RNF130: variants seen among roughly 807,000 people sequenced by gnomAD.
RNF130 encodes ring finger protein 130.
RNF130 carries 21 observed loss-of-function variants against 44.6 expected under a neutral mutation model. The ratio of observed to expected loss-of-function variants is 0.47; its 90% confidence interval spans 0.33 to 0.68. RNF130 has a LOEUF of 0.68. RNF130 is among the 30% of genes least tolerant of loss of function. The pLI is 0.02. For missense variants in RNF130, 479 were observed against 560.6 expected (o/e 0.85, Z 1.47); for synonymous variants, 214 against 210.4 (o/e 1.02, Z -0.15).
At chr5:179,926,648 A>C (rs1430921346) in intron 7 of RNF130, among the ~76,000 whole-genome samples, 2 of 152,164 alleles carry the variant, frequency 1.3e-5, no homozygotes, top group Non-Finnish European at 2.9e-5. Flanking sequence ...ACTCCATCTC[A>C]AAAAAATAAA....
chr5:179,982,203 G>A (rs1336014717), intron 3 of RNF130, among the ~76,000 whole-genome samples: 1 of 151,328 alleles, frequency 6.6e-6, no homozygotes, highest in Non-Finnish European at 1.5e-5. Context: ...TTGAGATTAA[G>A]CCACCTTGGT....
downstream of RNF130, among the ~76,000 whole-genome samples, chr5:179,951,765 A>C (rs1213814351): frequency 6.6e-6 from 1 of 152,204 alleles, no homozygotes; most frequent in African/African-American, 2.4e-5. Flanking sequence ...CTACAACAGA[A>C]GGAAATTTGT....
At chr5:180,064,312 A>G (rs1003683174) in intron 1 of RNF130, among the ~76,000 whole-genome samples, 1 of 152,218 alleles carries the variant, frequency 6.6e-6, no homozygotes, top group Non-Finnish European at 1.5e-5. Context: ...ATTCATTTGC[A>G]GCAAGCAAAG....
chr5:179,957,180 G>C (rs1369989604), intron 8 of RNF130, among the ~76,000 whole-genome samples: 3 of 152,208 alleles, frequency 2.0e-5, no homozygotes, highest in Non-Finnish European at 2.9e-5. Flanking sequence ...GGGAGGCTGA[G>C]GTGGGTGGAT....
chr5:179,914,316 C>T (rs1284768138), exon 8 of RNF130: 1 of 152,254 alleles, frequency 6.6e-6, no homozygotes, highest in Non-Finnish European at 1.5e-5. Context: ...CCAATGTTGA[C>T]TTTAGTCACA....
At chr5:179,959,258 TC>T (rs1762274620) in intron 8 of RNF130, among the ~76,000 whole-genome samples, 2 of 152,106 alleles carry the variant, frequency 1.3e-5, no homozygotes, top group African/African-American at 4.8e-5. Context: ...TCCCCTCTCT[TC>T]CAAACCAAGC....
intron 7 of RNF130, among the ~76,000 whole-genome samples, chr5:179,931,543 C>T (rs1441427967): frequency 1.3e-5 from 2 of 151,752 alleles, no homozygotes; most frequent in Non-Finnish European, 2.9e-5. Context: ...CCGAGGTGGG[C>T]GGATCACCTG....
intron 1 of RNF130, among the ~76,000 whole-genome samples, chr5:180,050,830 C>A (rs1387536468): frequency 6.6e-6 from 1 of 152,162 alleles, no homozygotes. Flanking sequence ...TTTTTGGAGA[C>A]AGGGTTTCAC....
intron 2 of RNF130, among the ~76,000 whole-genome samples, chr5:180,034,736 C>T (rs1390467081): frequency 6.6e-6 from 1 of 152,182 alleles, no homozygotes; most frequent in Admixed American, 6.5e-5. Flanking sequence ...CCCACCATTA[C>T]CTAATAAGAG....
chr5:180,053,278 G>A (rs1764731199), intron 1 of RNF130, among the ~76,000 whole-genome samples: 1 of 151,944 alleles, frequency 6.6e-6, no homozygotes, highest in Non-Finnish European at 1.5e-5. Flanking sequence ...CAGTGGCCAG[G>A]CATATCCCGG....
intron 3 of RNF130, among the ~76,000 whole-genome samples, chr5:179,994,041 T>C (rs1007222709): frequency 1.3e-5 from 2 of 152,190 alleles, no homozygotes; most frequent in African/African-American, 4.8e-5. Context: ...GTTGTAGATG[T>C]GTGGTATTAT....
chr5:180,046,945 A>G (rs1259405577), intron 1 of RNF130, among the ~76,000 whole-genome samples: 1 of 152,220 alleles, frequency 6.6e-6, no homozygotes, highest in Non-Finnish European at 1.5e-5. Flanking sequence ...ATGAAGGAAA[A>G]GGGGAAAAAC....
rs539497793 is a variant in RNF130 at position 180,003,065 on chromosome 5, C to T, written c.693+9996G>A. 5.9e-5 allele frequency among the ~76,000 whole-genome samples: 9 copies of T among 152,228 alleles called. No individual in the cohort carries two copies. In the South Asian group the frequency reaches 1.5e-3, roughly 25 times the overall value. ...TGAGGCTTGGAGAATTAAAATCTTGCCTCCACAGGATGTCCAGGTAGGGTC... is the reference window on the plus strand; with the variant it reads ...TGAGGCTTGGAGAATTAAAATCTTGTCTCCACAGGATGTCCAGGTAGGGTC... On this transcript the variant is annotated intron_variant, in intron 3 of 8. Coordinates refer to ENST00000521389, the MANE Select transcript of RNF130 (RefSeq NM_018434.6).
intron 7 of RNF130, among the ~76,000 whole-genome samples, chr5:179,943,371 C>T (rs1380054541): frequency 5.9e-5 from 9 of 152,182 alleles, no homozygotes. Flanking sequence ...ACAACAGAGA[C>T]TGCCAGGAGA....
At chr5:179,944,922 C>T (rs1030733428) in intron 7 of RNF130, among the ~76,000 whole-genome samples, 22 of 152,232 alleles carry the variant, frequency 1.4e-4, no homozygotes, top group Admixed American at 1.2e-3. Context: ...TTTGCTCACA[C>T]GTGGCAAAGC....
intron 3 of RNF130, among the ~76,000 whole-genome samples, chr5:179,999,829 G>T (rs1763293158): frequency 6.6e-6 from 1 of 152,242 alleles, no homozygotes; most frequent in Admixed American, 6.5e-5. Context: ...TTTAAGTGGT[G>T]AAATTTAATC....
At chr5:179,980,316 C>T (rs1422651383) in intron 3 of RNF130, 116 bp from the exon 4 acceptor site, 1 of 865,394 alleles carries the variant, frequency 1.2e-6, no homozygotes, top group Non-Finnish European at 1.9e-6. Flanking sequence ...TCTCCATGTC[C>T]TACATATAAG....
chr5:179,995,723 G>A (rs1763184919), intron 3 of RNF130, among the ~76,000 whole-genome samples: 1 of 152,186 alleles, frequency 6.6e-6, no homozygotes, highest in African/African-American at 2.4e-5. Context: ...GTGGGAAGAT[G>A]GACTGCAGAG....
intron 3 of RNF130, among the ~76,000 whole-genome samples, chr5:180,006,787 T>C (rs1356389942): frequency 1.3e-5 from 2 of 152,236 alleles, no homozygotes; most frequent in African/African-American, 4.8e-5. Flanking sequence ...TAAGCATTTA[T>C]TCAAAATAAA....
Sources: gnomAD v4.1 joint callset for allele counts (sites outside exome capture counted in the v4.1 genomes callset) on GRCh38, gnomAD v4.1.1 for gene constraint, MANE v1.5 for transcripts, NCBI Gene and HGNC (gene_info 2026-07-23, HGNC 2026-07-21) for gene names.